IQSEC1: variants seen among roughly 807,000 people sequenced by gnomAD.
IQSEC1 encodes IQ motif and Sec7 domain ArfGEF 1, also known as IQ motif and SEC7 domain-containing protein 1.
A neutral mutation model predicts 91.0 loss-of-function variants in IQSEC1; 31 were observed. That is an observed-to-expected ratio of 0.34 (90% CI 0.26 to 0.46). IQSEC1 has a LOEUF of 0.46. Among genes scored for constraint, IQSEC1 ranks in the 20% least tolerant of loss-of-function variants. The pLI is 1.00. For missense variants in IQSEC1, 1,388 were observed against 1,575.6 expected, an observed-to-expected ratio of 0.88 and a Z score of 2.02; for synonymous variants, 699 against 662.6, an observed-to-expected ratio of 1.05 and a Z score of -0.84.
chr3:13,203,993 G>A (rs114038132), intron 1 of IQSEC1, among the ~76,000 whole-genome samples: 2,445 of 152,342 alleles, frequency 0.016, 67 homozygotes, highest in African/African-American at 0.055. Flanking sequence ...TGAGCCAAAG[G>A]TAGAACTGGG....
chr3:12,901,134 C>T lies in IQSEC1; in HGVS notation c.3194G>A (p.Gly1065Asp). ...AHQYHHGPHGGHPAYGAHAHG... is the reference protein window; with the variant it reads ...AHQYHHGPHGDHPAYGAHAHG... ...GGCATGGGCCCCGTAGGCTGGGTGGCCCCCATGGGGGCCGTGGTGGTACTG... is the reference window on the plus strand; with the variant it reads ...GGCATGGGCCCCGTAGGCTGGGTGGTCCCCATGGGGGCCGTGGTGGTACTG... Residue 1065 changes from glycine (G) to aspartate (D), a missense_variant, in exon 14 of 14, where the codon GGC becomes GAC. By Grantham distance (94) the Gly-to-Asp change is moderately conservative (BLOSUM62 -1). Around this residue, in one of 2 missense-constraint regions of IQSEC1, gnomAD observed 329 missense variants for 257.8 expected, o/e 1.28. Transcript: ENST00000613206. 1 of 1,541,506 alleles carries T rather than the reference C, an allele frequency of 6.5e-7. No individual in the cohort carries two copies. Among genetic ancestry groups the T allele is most frequent in the South Asian group, 1.2e-5 (1 of 83,702 alleles).
intron 1 of IQSEC1, among the ~76,000 whole-genome samples, chr3:13,250,063 C>G (rs1405617469): frequency 6.6e-6 from 1 of 152,218 alleles, no homozygotes; most frequent in Non-Finnish European, 1.5e-5. Flanking sequence ...GCCATGGTGA[C>G]CATCTCACAG....
chr3:13,172,354 G>C (rs1693633962), intron 1 of IQSEC1, among the ~76,000 whole-genome samples: 2 of 152,164 alleles, frequency 1.3e-5, no homozygotes, highest in African/African-American at 4.8e-5. Context: ...ATGAAGCAAA[G>C]AGGTGAGAAT....
At chr3:13,260,858 G>C (rs1280646909) in intron 1 of IQSEC1, among the ~76,000 whole-genome samples, 2 of 152,200 alleles carry the variant, frequency 1.3e-5, no homozygotes, top group East Asian at 3.9e-4. Flanking sequence ...AGAGTGGAGG[G>C]GGTCCTCTGT....
At chr3:13,117,008 T>C (rs907156492) in intron 2 of IQSEC1, among the ~76,000 whole-genome samples, 6 of 151,472 alleles carry the variant, frequency 4.0e-5, no homozygotes, top group African/African-American at 1.5e-4. Flanking sequence ...CTAAAAACTT[T>C]TGTGATTTAA....
intron 1 of IQSEC1, among the ~76,000 whole-genome samples, chr3:13,045,593 G>A (rs912889068): frequency 2.0e-5 from 3 of 152,206 alleles, no homozygotes; most frequent in Admixed American, 6.5e-5. Flanking sequence ...GCAGGAGCAC[G>A]GAACCTGCTA....
chr3:13,125,498 T>C (rs978118858), intron 2 of IQSEC1, among the ~76,000 whole-genome samples: 2 of 152,234 alleles, frequency 1.3e-5, no homozygotes. Flanking sequence ...TGGGCAGTGC[T>C]GGAGGTGCGG....
At chr3:13,233,242 T>G (rs1694866261) in intron 1 of IQSEC1, among the ~76,000 whole-genome samples, 1 of 151,954 alleles carries the variant, frequency 6.6e-6, no homozygotes, top group African/African-American at 2.4e-5. Flanking sequence ...TGGGACAGAG[T>G]CTGGGCACCT....
chr3:12,920,343 C>T, intron 6 of IQSEC1, 87 bp downstream of exon 6: 1 of 1,381,650 alleles, frequency 7.2e-7, no homozygotes, highest in Non-Finnish European at 1.0e-6. Flanking sequence ...CTGGAGGTTG[C>T]CTCACGCCCC....
At chr3:13,230,796 A>T (rs936795822) in intron 1 of IQSEC1, among the ~76,000 whole-genome samples, 2 of 152,234 alleles carry the variant, frequency 1.3e-5, no homozygotes, top group African/African-American at 4.8e-5. Flanking sequence ...TTCAGAATAG[A>T]ATAAGCTGAA....
chr3:13,095,590 G>C (rs1705940601), intron 2 of IQSEC1, among the ~76,000 whole-genome samples: 1 of 152,056 alleles, frequency 6.6e-6, no homozygotes, highest in Admixed American at 6.5e-5. Context: ...CAGCCATCTG[G>C]GGCCTTTTCC....
intron 1 of IQSEC1, among the ~76,000 whole-genome samples, chr3:12,990,577 A>G (rs993150161): frequency 2.0e-5 from 3 of 152,196 alleles, no homozygotes; most frequent in African/African-American, 7.2e-5. Flanking sequence ...CTGGCTTTCT[A>G]TGCTGTCACA....
chr3:13,133,168 G>A (rs868744874), intron 2 of IQSEC1, among the ~76,000 whole-genome samples: 2 of 152,198 alleles, frequency 1.3e-5, no homozygotes, highest in Non-Finnish European at 2.9e-5. Context: ...AGGCTGTCTC[G>A]ATTCTTGGAT....
chr3:12,904,096 C>T (rs1369316215), intron 12 of IQSEC1, among the ~76,000 whole-genome samples: 1 of 152,248 alleles, frequency 6.6e-6, no homozygotes, highest in Non-Finnish European at 1.5e-5. Flanking sequence ...GCTACTGCAC[C>T]TCCCAGCTAG....
intron 1 of IQSEC1, among the ~76,000 whole-genome samples, chr3:13,057,327 C>T (rs1035037364): frequency 6.6e-6 from 1 of 152,200 alleles, no homozygotes; most frequent in Admixed American, 6.5e-5. Context: ...ACAGCGTATA[C>T]CTGCTGGGTG....
chr3:13,200,133 A>C (rs1003726196), intron 1 of IQSEC1, among the ~76,000 whole-genome samples: 2 of 150,894 alleles, frequency 1.3e-5, no homozygotes, highest in African/African-American at 2.5e-5. Flanking sequence ...CAGACTACTC[A>C]CATATGCCAC....
chr3:13,050,926 T>C (rs1704669640), intron 1 of IQSEC1, among the ~76,000 whole-genome samples: 1 of 152,222 alleles, frequency 6.6e-6, no homozygotes, highest in African/African-American at 2.4e-5. Context: ...TTTTAACACA[T>C]TAACTCTATA....
rs1251612650 is a variant in IQSEC1 at position 12,901,140 on chromosome 3, T to C, written c.3188A>G (p.His1063Arg). ...GGCCCCGTAGGCTGGGTGGCCCCCA[T>C]GGGGGCCGTGGTGGTACTGGTGTGC... is the stretch of plus-strand genomic sequence containing the variant. ...QHAHQYHHGP[H>R]GGHPAYGAHA... Residue 1063 changes from histidine to arginine, a missense_variant, in exon 14 of 14, where the codon CAT (histidine) becomes CGT (arginine). His to Arg is a conservative substitution (Grantham distance 29). Transcript: ENST00000613206. The C allele has an allele frequency of 6.5e-7, 1 of 1,541,658 alleles. No individual in the cohort carries two copies. Among genetic ancestry groups the C allele is most frequent in the Admixed American group, 2.0e-5 (1 of 50,720 alleles).
chr3:13,006,871 C>G (rs1181770985), intron 1 of IQSEC1, among the ~76,000 whole-genome samples: 1 of 152,244 alleles, frequency 6.6e-6, no homozygotes, highest in Non-Finnish European at 1.5e-5. Context: ...TTGGCAGATG[C>G]CTGGGGTCTG....
Sources: allele counts gnomAD v4.1 joint callset (sites outside exome capture counted in the v4.1 genomes callset), GRCh38; gene constraint gnomAD v4.1.1; regional missense constraint gnomAD v4.1.1; transcripts MANE v1.5; gene names NCBI Gene and HGNC (gene_info 2026-07-23, HGNC 2026-07-21).